COL4A6: variants seen among roughly 807,000 people sequenced by gnomAD.
COL4A6 encodes collagen alpha-6(IV) chain.
In COL4A6, 59 loss-of-function variants were observed where a neutral mutation model predicts 126.7. The observed-to-expected ratio is 0.47, with a 90% CI of 0.38 to 0.58. The LOEUF is 0.58. Among genes scored for constraint, COL4A6 ranks in the 20% least tolerant of loss-of-function variants. The probability of loss-of-function intolerance (pLI) is 0.00; values close to 1 mark genes in which losing one functional copy is unlikely to be tolerated. For missense variants in COL4A6, 1,285 were observed against 1,337.3 expected (o/e 0.96, Z 0.61); for synonymous variants, 547 against 496.6 (o/e 1.10, Z -1.35).
intron 2 of COL4A6, among the ~76,000 whole-genome samples, chrX:108,341,891 C>T (rs1352258723): frequency 8.9e-6 from 1 of 112,217 alleles, no homozygotes; most frequent in Non-Finnish European, 1.9e-5. Context: ...ACTAAAGGTG[C>T]AAAGTCACCT....
chrX:108,206,063 C>T (rs772346990), intron 9 of COL4A6, among the ~76,000 whole-genome samples: 2 of 111,671 alleles, frequency 1.8e-5, no homozygotes, highest in South Asian at 7.5e-4. Context: ...CTATGCTTTT[C>T]CTCTACCAGT....
chrX:108,235,503 C>T (rs954787996), intron 3 of COL4A6, among the ~76,000 whole-genome samples: 2 of 111,287 alleles, frequency 1.8e-5, no homozygotes, highest in African/African-American at 3.3e-5. Flanking sequence ...CCTTGTCTAG[C>T]ATTTAACTCA....
At chrX:108,280,514 C>T (rs2037778082) in intron 3 of COL4A6, among the ~76,000 whole-genome samples, 1 of 111,720 alleles carries the variant, frequency 9.0e-6, no homozygotes, top group African/African-American at 3.3e-5. Context: ...AGCTTACTGA[C>T]CAAAAAGAGT....
chrX:108,290,445 G>C (rs1238014112), intron 3 of COL4A6, among the ~76,000 whole-genome samples: 2 of 112,280 alleles, frequency 1.8e-5, no homozygotes, highest in African/African-American at 3.2e-5. Context: ...TTACTATTAA[G>C]TGGTGTGGGA....
chrX:108,410,468 G>C (rs2041303824), intron 2 of COL4A6, among the ~76,000 whole-genome samples: 1 of 110,781 alleles, frequency 9.0e-6, no homozygotes. Flanking sequence ...ATGTTTTCCA[G>C]GTTAGATTGA....
At chrX:108,383,822 A>G (rs2040619979) in intron 2 of COL4A6, 2 of 498,875 alleles carry the variant, frequency 4.0e-6, no homozygotes, top group Non-Finnish European at 7.3e-6. Flanking sequence ...GAGATTTTCA[A>G]AGGATCCCTC....
At chrX:108,197,283 G>A (rs1160260858) in intron 13 of COL4A6, among the ~76,000 whole-genome samples, 2 of 111,448 alleles carry the variant, frequency 1.8e-5, no homozygotes, top group East Asian at 5.7e-4. Context: ...ATATGACTTG[G>A]GGATTCTCTA....
intron 3 of COL4A6, among the ~76,000 whole-genome samples, chrX:108,249,248 G>A (rs187950304): frequency 1.3e-3 from 142 of 111,056 alleles, no homozygotes; most frequent in Non-Finnish European, 2.4e-3. Flanking sequence ...ATAGGACCTA[G>A]TACAGTGCTG....
intron 3 of COL4A6, among the ~76,000 whole-genome samples, chrX:108,283,009 A>C: frequency 2.2e-5 from 1 of 44,992 alleles, no homozygotes; most frequent in Non-Finnish European, 3.7e-5. Context: ...GGGTGGGGGG[A>C]GGGGGGAGGG....
intron 3 of COL4A6, among the ~76,000 whole-genome samples, chrX:108,270,965 G>A (rs746304610): frequency 2.7e-5 from 3 of 111,967 alleles, no homozygotes; most frequent in South Asian, 3.8e-4. Context: ...AAGGCAACGC[G>A]GCTTAGAGCA....
intron 2 of COL4A6, among the ~76,000 whole-genome samples, chrX:108,384,727 GA>G (rs1385943349): frequency 1.8e-5 from 2 of 111,894 alleles, no homozygotes; most frequent in Non-Finnish European, 3.8e-5. Flanking sequence ...GAGAATAAAG[GA>G]AACGTAAATG....
chrX:108,321,892 T>C (rs113179427), intron 2 of COL4A6, among the ~76,000 whole-genome samples: 9,010 of 110,140 alleles, frequency 0.082, 395 homozygotes, highest in Non-Finnish European at 0.12. Flanking sequence ...ACCTCCACCA[T>C]GAGGTAGGCA....
chrX:108,281,977 C>T (rs1438200394), intron 3 of COL4A6, among the ~76,000 whole-genome samples: 2 of 110,271 alleles, frequency 1.8e-5, no homozygotes, highest in Non-Finnish European at 3.8e-5. Flanking sequence ...CTTCCTTACA[C>T]CTTATACAAA....
At chrX:108,360,783 A>G (rs933266094) in intron 2 of COL4A6, among the ~76,000 whole-genome samples, 2 of 110,328 alleles carry the variant, frequency 1.8e-5, no homozygotes, top group South Asian at 7.8e-4. Context: ...TGATCTGCCC[A>G]CCTCGGCCTC....
intron 3 of COL4A6, among the ~76,000 whole-genome samples, chrX:108,233,472 A>G: frequency 9.0e-6 from 1 of 111,505 alleles, no homozygotes; most frequent in Non-Finnish European, 1.9e-5. Context: ...GAAGGAGTAA[A>G]AAAAGGGTAG....
At chrX:108,356,102 C>G in intron 2 of COL4A6, among the ~76,000 whole-genome samples, 1 of 80,563 alleles carries the variant, frequency 1.2e-5, no homozygotes, top group Non-Finnish European at 2.4e-5. Flanking sequence ...TTCCCCCTCC[C>G]CCCACCCCAC....
At chrX:108,192,418 G>C (rs1377401016) in intron 18 of COL4A6, 55 bp downstream of exon 18, 2 of 891,171 alleles carry the variant, frequency 2.2e-6, no homozygotes, top group African/African-American at 3.9e-5. Context: ...GGAATGCTGG[G>C]AACCACAGTG....
rs771085135 is a variant in COL4A6, at chrX:108,170,925, AC to A, written c.3278-9del. On this transcript the variant is annotated splice_polypyrimidine_tract_variant and intron_variant, in intron 33 of 44. Coordinates refer to ENST00000334504, the MANE Select transcript of COL4A6 (RefSeq NM_033641.4). Reference sequence around the variant, plus strand: ...CATCTCTTCCTTTTGTGCCTATAAAACCAAGAAAAATGCTGAGTGATTAGGC... The same window carrying A: ...CATCTCTTCCTTTTGTGCCTATAAAACAAGAAAAATGCTGAGTGATTAGGC... 9 of 1,185,087 alleles carry A rather than the reference AC, an allele frequency of 7.6e-6. No homozygotes were observed. The highest frequency in any genetic ancestry group is 9.2e-6 in the Non-Finnish European group (8 of 871,231).
chrX:108,406,596 T>C (rs2041213082), intron 2 of COL4A6, among the ~76,000 whole-genome samples: 1 of 112,069 alleles, frequency 8.9e-6, no homozygotes, highest in African/African-American at 3.2e-5. Flanking sequence ...ACCATGCTGG[T>C]TCTTGCCCTG....
Sources: gnomAD v4.1 joint callset for allele counts (sites outside exome capture counted in the v4.1 genomes callset) on GRCh38, gnomAD v4.1.1 for gene constraint, MANE v1.5 for transcripts, NCBI Gene and HGNC (gene_info 2026-07-23, HGNC 2026-07-21) for gene names.